The following RCC2 variants were observed in gnomAD, a reference collection of about 807,000 sequenced individuals.
The protein encoded by RCC2 is protein RCC2.
Under a neutral mutation model 64.1 loss-of-function variants are expected in RCC2, and 19 were observed. That is an observed-to-expected ratio of 0.30 (90% CI 0.21 to 0.44). RCC2 has a LOEUF of 0.44. Ranked by LOEUF, RCC2 falls within the 20% of genes least tolerant of loss-of-function variation. RCC2 has a pLI of 1.00. For synonymous variants in RCC2, 325 were observed against 279.6 expected (o/e 1.16, Z -1.62); for missense variants, 508 against 710.4 (o/e 0.72, Z 3.24).
rs1465777320 is a variant in RCC2 at position 17,415,487 on chromosome 1, T to C, written c.1026+993A>G. Among the ~76,000 whole-genome samples, 4 of 148,384 alleles carry C rather than the reference T, an allele frequency of 2.7e-5. No individual in the cohort carries two copies. The East Asian group carries it at 8.1e-4, about 30-fold the overall frequency. On this transcript the variant is annotated intron_variant, in intron 8 of 12. Coordinates refer to ENST00000375436, the MANE Select transcript of RCC2 (RefSeq NM_018715.4). ...CAGCACTTTGGGAGGCCGAGGCAGGTGGATCACGAGGTCAGGAGTTTGAGA... is the reference window on the plus strand; with the variant it reads ...CAGCACTTTGGGAGGCCGAGGCAGGCGGATCACGAGGTCAGGAGTTTGAGA...
intron 3 of RCC2, among the ~76,000 whole-genome samples, chr1:17,428,661 T>C (rs1393198116): frequency 6.6e-6 from 1 of 152,262 alleles, no homozygotes; most frequent in African/African-American, 2.4e-5. Context: ...CAGACTGTTC[T>C]GTCAAACCAG....
chr1:17,419,285 G>A (rs2075524733), intron 7 of RCC2, among the ~76,000 whole-genome samples: 2 of 152,176 alleles, frequency 1.3e-5, no homozygotes, highest in Admixed American at 6.6e-5. Context: ...CTTGAACCAA[G>A]GAGGTGGAGG....
chr1:17,422,919 C>T (rs1557627787), intron 4 of RCC2, 83 bp from the exon 5 acceptor site: 12 of 1,533,714 alleles, frequency 7.8e-6, no homozygotes, highest in African/African-American at 1.4e-5. Flanking sequence ...CAAACACACT[C>T]TCAAATGATG....
In RCC2 at chr1:17,438,502, T is replaced by A; in HGVS notation, c.13A>T (p.Lys5Ter). The change falls in exon 2 of 13, where the codon AAG becomes TAG. Residue 5 changes from lysine (K) to a stop codon, truncating the protein, a stop_gained. Transcript: ENST00000375436. LOFTEE classifies it high-confidence loss of function. ...TCCTCCCAGGCCGCCGCCGCCGCCT[T>A]CTTCCTGGGCATGGTCGCGGCTGGA... is the stretch of plus-strand genomic sequence containing the variant. The part of the protein sequence containing the change: MPRK[K>*]AAAAAWEEPS... The A allele has an allele frequency of 7.4e-7, 1 of 1,345,454 alleles. No homozygotes were observed. Among genetic ancestry groups the A allele is most frequent in the Non-Finnish European group, 9.5e-7 (1 of 1,050,696 alleles). 83.3% of individuals were successfully genotyped at this position (1,345,454 alleles called of 1,614,324 possible).
In RCC2 at chr1:17,416,602, C is replaced by G; in HGVS notation, c.904G>C (p.Glu302Gln). 1 of 1,614,020 alleles carries G rather than the reference C, an allele frequency of 6.2e-7. No homozygotes were observed. The highest frequency in any genetic ancestry group is 1.1e-5 in the South Asian group (1 of 91,070). Residue 302 changes from glutamate to glutamine, a missense_variant, in exon 8 of 13, where the codon GAG becomes CAG. Coordinates refer to ENST00000375436, the MANE Select transcript of RCC2 (RefSeq NM_018715.4). ...GKFIARAQRI[E>Q]YDCELVPRRV... ...CGGGGAACTAGTTCACAGTCGTACT[C>G]TATCCGCTGTGCCCGGGCGATGAAC...
At chr1:17,432,558 C>A (rs1473026253) in intron 2 of RCC2, among the ~76,000 whole-genome samples, 1 of 152,212 alleles carries the variant, frequency 6.6e-6, no homozygotes, top group African/African-American at 2.4e-5. Context: ...AACCACCCTA[C>A]ACTGAGATGC....
intron 8 of RCC2, among the ~76,000 whole-genome samples, chr1:17,415,014 A>G (rs910968179): frequency 2.0e-5 from 3 of 152,212 alleles, no homozygotes; most frequent in African/African-American, 7.2e-5. Flanking sequence ...CAAGTGTTTA[A>G]GATTTATCTT....
chr1:17,425,722 G>T (rs770962822), intron 3 of RCC2, 38 bp from the exon 4 acceptor site: 2 of 1,572,388 alleles, frequency 1.3e-6, no homozygotes, highest in Non-Finnish European at 1.7e-6. Context: ...GACACCTGGG[G>T]TGGTGGGGTG....
intron 2 of RCC2, among the ~76,000 whole-genome samples, chr1:17,434,285 C>T (rs999123853): frequency 2.6e-5 from 4 of 152,248 alleles, no homozygotes; most frequent in Non-Finnish European, 5.9e-5. Context: ...CCCCATCCTC[C>T]AACCTCAGGA....
intron 3 of RCC2, among the ~76,000 whole-genome samples, chr1:17,426,908 G>A (rs899760027): frequency 3.3e-5 from 5 of 151,946 alleles, no homozygotes; most frequent in African/African-American, 4.8e-5. Context: ...GATTACAGGC[G>A]TGTGCCATCA....
At position 17,422,280 on chromosome 1, in the gene RCC2, C is replaced by T. The variant is rs764142789; in HGVS notation, c.667G>A (p.Val223Met). ...ATCTTGTTTTCCCCAAACGCAAACA[C>T]GGAGCCCGTTTCTGGAAGAAAGGAA... ...HTLALTETGSVFAFGENKMGQ... is the reference protein window; with the variant it reads ...HTLALTETGSMFAFGENKMGQ... Residue 223 changes from valine to methionine, a missense_variant, in exon 6 of 13, where the codon GTG becomes ATG. Val to Met is a conservative substitution (Grantham distance 21). Coordinates refer to ENST00000375436, the MANE Select transcript of RCC2 (RefSeq NM_018715.4). The T allele has an allele frequency of 8.1e-6, 13 of 1,611,198 alleles. No individual in the cohort carries two copies. The highest frequency in any genetic ancestry group is 2.2e-5 in the East Asian group (1 of 44,832).
chr1:17,438,275 G>A lies in RCC2; in HGVS notation c.240C>T (p.Gly80=), dbSNP rs760205996. 10 of 1,306,554 alleles carry A rather than the reference G, an allele frequency of 7.7e-6. No individual in the cohort carries two copies. In the East Asian group the frequency reaches 2.1e-4, roughly 27 times the overall value. The allele number at this position is 1,306,554 out of a possible 1,614,324, so 80.9% of individuals were successfully genotyped here. A position where few individuals can be genotyped will look rare whatever the true frequency, so the allele number is the denominator to read the frequency against. ...ARPATAGKAG[G]AAVVITEPEH... is the part of the protein sequence containing the mutation. ...CGGGTTCGGTGATGACCACGGCCGC[G>A]CCGCCCGCCTTGCCTGCTGTCGCCG... The change falls in exon 2 of 13, where the codon GGC becomes GGT. Residue 80 remains glycine, a synonymous_variant. Transcript: ENST00000375436.
intron 9 of RCC2, 76 bp downstream of exon 9, chr1:17,413,461 G>A (rs2075448520): frequency 2.8e-6 from 4 of 1,428,660 alleles, no homozygotes; most frequent in Middle Eastern, 3.7e-4. Flanking sequence ...ATTGGGGTTC[G>A]TGGTCTAGGG....
In RCC2 at chr1:17,437,655, C is replaced by CG. The variant is rs944291949; in HGVS notation, c.285+574dup. On this transcript the variant is annotated intron_variant, in intron 2 of 12. Transcript: ENST00000375436. ...CTCAGCCGGGGGGCTTCCCCGACCT[C>CG]GGGGGAGGGCTCTGCGGAGCATGCG... Among the ~76,000 whole-genome samples, 48 of 151,908 alleles carry CG rather than the reference C, an allele frequency of 3.2e-4. No homozygotes were observed. In the East Asian group the frequency reaches 4.0e-3, roughly 13 times the overall value.
chr1:17,437,208 C>T (rs2075743755), intron 2 of RCC2, among the ~76,000 whole-genome samples: 1 of 152,200 alleles, frequency 6.6e-6, no homozygotes, highest in Non-Finnish European at 1.5e-5. Flanking sequence ...TGGAGGAAAG[C>T]ACTCTGCTGT....
At chr1:17,423,275 G>A (rs2075575657) in intron 4 of RCC2, among the ~76,000 whole-genome samples, 1 of 152,210 alleles carries the variant, frequency 6.6e-6, no homozygotes, top group African/African-American at 2.4e-5. Flanking sequence ...TAATCACTTT[G>A]GTGCTCTGGG....
At chr1:17,419,108 A>G (rs1284450550) in intron 7 of RCC2, among the ~76,000 whole-genome samples, 1 of 152,150 alleles carries the variant, frequency 6.6e-6, no homozygotes, top group Non-Finnish European at 1.5e-5. Context: ...TAATCCCAAC[A>G]CTTTGGGAGG....
At chr1:17,426,130 G>A (rs1198776744) in intron 3 of RCC2, among the ~76,000 whole-genome samples, 1 of 152,148 alleles carries the variant, frequency 6.6e-6, no homozygotes, top group Non-Finnish European at 1.5e-5. Flanking sequence ...CACCCTGACA[G>A]TAACCTACCC....
At chr1:17,411,808 A>G (rs560662792) in intron 11 of RCC2, among the ~76,000 whole-genome samples, 1 of 152,290 alleles carries the variant, frequency 6.6e-6, no homozygotes, top group Non-Finnish European at 1.5e-5. Flanking sequence ...CCTCCAGGGG[A>G]GAGGGAACAA....
Sources: allele counts gnomAD v4.1 joint callset (sites outside exome capture counted in the v4.1 genomes callset), GRCh38; gene constraint gnomAD v4.1.1; transcripts MANE v1.5; gene names NCBI Gene and HGNC (gene_info 2026-07-23, HGNC 2026-07-21).